The following COQ9 variants were observed in gnomAD, a reference collection of about 807,000 sequenced individuals.
COQ9 encodes the protein coenzyme Q9, also known as ubiquinone biosynthesis protein COQ9, mitochondrial.
COQ9 carries 35 observed loss-of-function variants against 42.4 expected under a neutral mutation model. The observed-to-expected ratio is 0.83, with a 90% CI of 0.63 to 1.10. The LOEUF is 1.10. COQ9 is among the 50% of genes least tolerant of loss of function. COQ9 has a pLI of 0.00. For synonymous variants in COQ9, 155 were observed against 155.1 expected (o/e 1.00, Z 0.00); for missense variants, 406 against 414.6 (o/e 0.98, Z 0.18).
rs2301773 is a variant in COQ9, at chr16:57,451,206, C to T, written c.240C>T (p.Pro80=). 1.2e-6 allele frequency: 2 copies of T among 1,614,226 alleles called. No individual in the cohort carries two copies. Among genetic ancestry groups the T allele is most frequent in the South Asian group, 1.1e-5 (1 of 91,080 alleles). Residue 80 remains proline, a splice_region_variant and synonymous_variant, in exon 2 of 9, where the codon CCC becomes CCT. Transcript: ENST00000262507. ...ATCCAGAGTCTTCTCATTCACCCCC[C>T]AGGTAGGCACCAATCCACCTATTTC... ...KPDPESSHSP[P]RYTDQGGEEE...
chr16:57,447,658 G>A, intron 1 of COQ9, 80 bp downstream of exon 1: 1 of 1,159,156 alleles, frequency 8.6e-7, no homozygotes, highest in Non-Finnish European at 1.1e-6. Flanking sequence ...TCGACGGTGG[G>A]GGGAAGAGGC....
chr16:57,460,006 C>T, intron 7 of COQ9, 45 bp from the exon 8 acceptor site: 7 of 1,594,504 alleles, frequency 4.4e-6, no homozygotes, highest in Non-Finnish European at 6.0e-6. Context: ...TCAAGTTTAA[C>T]TTTGTGTTGG....
chr16:57,457,946 A>G (rs897829168), intron 5 of COQ9, among the ~76,000 whole-genome samples: 1 of 151,716 alleles, frequency 6.6e-6, no homozygotes, highest in Admixed American at 6.6e-5. Flanking sequence ...AGACTGGGGT[A>G]TCTTTGCCCA....
At chr16:57,455,287 C>T (rs1481222720) in intron 3 of COQ9, among the ~76,000 whole-genome samples, 1 of 150,768 alleles carries the variant, frequency 6.6e-6, no homozygotes, top group Non-Finnish European at 1.5e-5. Context: ...TTTGAGTCAA[C>T]CAGTGGAGGC....
rs1206652816 is a variant in COQ9 at position 57,451,317 on chromosome 16, A to G, written c.242+109A>G. 8.0e-6 allele frequency: 10 copies of G among 1,243,834 alleles called. No individual in the cohort carries two copies. In the Admixed American group the frequency reaches 1.7e-4, roughly 21 times the overall value. The allele number at this position is 1,243,834 out of a possible 1,614,324, so 77.0% of individuals were successfully genotyped here. ...CCCTTTTGTACCTTCCTTCATTTCC[A>G]AGGCCATCTTTGTTTTTTAGAATTT... On this transcript the variant is annotated intron_variant, in intron 2 of 8. Coordinates refer to ENST00000262507, the MANE Select transcript of COQ9 (RefSeq NM_020312.4).
At position 57,452,881 on chromosome 16, in the gene COQ9, T is replaced by G. The variant is rs11547480; in HGVS notation, c.323T>G (p.Leu108Arg). The G allele has an allele frequency of 1.6e-4, 252 of 1,613,784 alleles. No individual in the cohort carries two copies. In the African/African-American group the frequency reaches 2.8e-3, roughly 18 times the overall value. ...CAGCACCGCATCCTGACGGCAGCCCTTGAGTTTGTGCCCGCCCACGGGTGG... is the reference window on the plus strand; with the variant it reads ...CAGCACCGCATCCTGACGGCAGCCCGTGAGTTTGTGCCCGCCCACGGGTGG... ...QLQHRILTAA[L>R]EFVPAHGWTA... The change falls in exon 3 of 9, where the codon CTT becomes CGT. Residue 108 changes from leucine (L) to arginine (R), a missense_variant. Leu to Arg is a moderately radical substitution (Grantham distance 102, BLOSUM62 -2). Transcript: ENST00000262507.
intron 1 of COQ9, among the ~76,000 whole-genome samples, chr16:57,448,381 A>G (rs2030190779): frequency 6.9e-6 from 1 of 145,416 alleles, no homozygotes; most frequent in African/African-American, 2.6e-5. Context: ...CTGGCTCCTC[A>G]GCCTCCCAAG....
chr16:57,451,113 G>A lies in COQ9; in HGVS notation c.147G>A (p.Glu49=). The change falls in exon 2 of 9, where the codon GAG becomes GAA. Residue 49 remains glutamate, a synonymous_variant. Coordinates refer to ENST00000262507, the MANE Select transcript of COQ9 (RefSeq NM_020312.4). ...ASAVGLRSSD[E]QKQQPPNSFS... ...CTGTGGGGCTAAGGTCTTCAGATGA[G>A]CAGAAGCAGCAGCCTCCCAACTCAT... is the stretch of plus-strand genomic sequence containing the variant. 4 of 1,614,152 alleles carry A rather than the reference G, an allele frequency of 2.5e-6. No individual in the cohort carries two copies. The highest frequency in any genetic ancestry group is 2.2e-5 in the South Asian group (2 of 91,082).
At chr16:57,453,104 T>C in intron 3 of COQ9, 168 bp downstream of exon 3, 1 of 826,546 alleles carries the variant, frequency 1.2e-6, no homozygotes, top group Non-Finnish European at 2.0e-6. Flanking sequence ...CTTTATTTTG[T>C]AGTTATAAAG....
At position 57,450,615 on chromosome 16, in the gene COQ9, A is replaced by C. The variant is rs1208573108; in HGVS notation, c.74-425A>C. 9.2e-5 allele frequency among the ~76,000 whole-genome samples: 14 copies of C among 152,310 alleles called. 1 individual carries two copies. Among genetic ancestry groups the C allele is most frequent in the African/African-American group, 3.1e-4 (13 of 41,572 alleles). ...AACACTGGGGGAGTAGGGCTGAGAC[A>C]TTAAATTACTATTCCAGAGCTCTTG... On this transcript the variant is annotated intron_variant, in intron 1 of 8. Transcript: ENST00000262507.
In COQ9 at chr16:57,460,094, C is replaced by T. The variant is rs1161244832; in HGVS notation, c.911C>T (p.Ala304Val). 3.1e-6 allele frequency: 5 copies of T among 1,614,144 alleles called. No individual in the cohort carries two copies. The highest frequency in any genetic ancestry group is 3.3e-5 in the Admixed American group (2 of 60,030). ...GEALVQGLMG[A>V]AVTLKNLTGL... ...GCACTGGTGCAAGGACTCATGGGTGCAGCAGTGACGGTGAGTACTGCCCAG... is the reference window on the plus strand; with the variant it reads ...GCACTGGTGCAAGGACTCATGGGTGTAGCAGTGACGGTGAGTACTGCCCAG... The change falls in exon 8 of 9, where the codon GCA (alanine) becomes GTA (valine). Residue 304 changes from alanine to valine, a missense_variant. Ala to Val is a moderately conservative substitution (Grantham distance 64). Coordinates refer to ENST00000262507, the MANE Select transcript of COQ9 (RefSeq NM_020312.4).
chr16:57,458,084 C>T lies in COQ9; in HGVS notation c.607-162C>T, dbSNP rs223867. 18,832 of 670,992 alleles carry T rather than the reference C, an allele frequency of 0.028. 351 individuals carry two copies. Among genetic ancestry groups the T allele is most frequent in the Middle Eastern group, 0.057 (169 of 2,954 alleles). The allele number at this position is 670,992 out of a possible 1,614,324, so 41.6% of individuals were successfully genotyped here. On this transcript the variant is annotated intron_variant, in intron 5 of 8. Transcript: ENST00000262507. ...CCTGGCTCTCCTCAGCTGTAGTCAG[C>T]ATTGCTAGCTGCCCACAACTCACGC...
In COQ9 at chr16:57,460,953, C is replaced by T. The variant is rs2030522852; in HGVS notation, c.*329C>T. The T allele has an allele frequency of 5.2e-6, 2 of 384,240 alleles. No homozygotes were observed. The highest frequency in any genetic ancestry group is 3.7e-5 in the Admixed American group (1 of 27,202). The allele number at this position is 384,240 out of a possible 1,614,324, so 23.8% of individuals were successfully genotyped here. The stretch of plus-strand genomic sequence containing the variant: ...TGTCCCTGTCACAATCTCATGGGCA[C>T]CTTGATCATGTCTTAACCTTCCCTT... On this transcript the variant is annotated 3_prime_UTR_variant, in exon 9 of 9. Transcript: ENST00000262507.
Position 57,452,929 on chromosome 16 carries a change from G to C in COQ9, c.371G>C (p.Gly124Ala). 6.2e-7 allele frequency: 1 copy of C among 1,613,534 alleles called. No homozygotes were observed. Among genetic ancestry groups the C allele is most frequent in the Non-Finnish European group, 8.5e-7 (1 of 1,179,914 alleles). ...HGWTAEAIAE[G>A]AQSLGLSSAA... ...TGGACAGCAGAGGCGATTGCAGAAG[G>C]AGCCCAGGTGTGTATAGGTGAGGGT... is the stretch of plus-strand genomic sequence containing the variant. Residue 124 changes from glycine (G) to alanine (A), a missense_variant, in exon 3 of 9, where the codon GGA (glycine) becomes GCA (alanine). Physicochemically the swap from Gly to Ala is moderately conservative, Grantham distance 60. Coordinates refer to ENST00000262507, the MANE Select transcript of COQ9 (RefSeq NM_020312.4).
At chr16:57,457,555 C>T (rs1040598986) in intron 5 of COQ9, 1 of 241,820 alleles carries the variant, frequency 4.1e-6, no homozygotes, top group Admixed American at 5.2e-5. Flanking sequence ...AGTGAAAGTA[C>T]ACCCGAAGTG....
intron 2 of COQ9, among the ~76,000 whole-genome samples, chr16:57,452,171 G>A (rs115951368): frequency 5.3e-5 from 8 of 152,328 alleles, no homozygotes; most frequent in African/African-American, 1.9e-4. Context: ...CCCTCAGGGA[G>A]GTAGTCTGGT....
rs543326534 is a variant in COQ9 at position 57,447,627 on chromosome 16, C to T, written c.73+49C>T. ...AGAGGCGGGGAGCGCGGAGGGGGCG[C>T]GAGGCCGGCTTCAGCTGGGTTCGAC... On this transcript the variant is annotated intron_variant, in intron 1 of 8. Transcript: ENST00000262507. 1.6e-3 allele frequency: 1,908 copies of T among 1,227,518 alleles called. 5 individuals are homozygous for T. Among genetic ancestry groups the T allele is most frequent in the Middle Eastern group, 0.011 (34 of 3,218 alleles). 76.0% of individuals were successfully genotyped at this position (1,227,518 alleles called of 1,614,324 possible).
intron 6 of COQ9, among the ~76,000 whole-genome samples, chr16:57,458,794 A>T (rs1207947664): frequency 6.6e-6 from 1 of 152,220 alleles, no homozygotes; most frequent in African/African-American, 2.4e-5. Flanking sequence ...AAGGCTCTTT[A>T]AACAGCACCA....
chr16:57,455,416 TA>T (rs1245188013), intron 3 of COQ9, among the ~76,000 whole-genome samples: 1 of 147,806 alleles, frequency 6.8e-6, no homozygotes, highest in African/African-American at 2.5e-5. Flanking sequence ...TATATATATA[TA>T]AAATAATTAT....
Sources: gnomAD v4.1 joint callset for allele counts (sites outside exome capture counted in the v4.1 genomes callset) on GRCh38, gnomAD v4.1.1 for gene constraint, MANE v1.5 for transcripts, NCBI Gene and HGNC (gene_info 2026-07-23, HGNC 2026-07-21) for gene names.